Variants in STAG1 observed in about 807,000 individuals in gnomAD.
STAG1 encodes STAG1 cohesin complex component, also known as cohesin subunit SA-1.
Under a neutral mutation model 170.9 loss-of-function variants are expected in STAG1, and 26 were observed. That is an observed-to-expected ratio of 0.15 (90% CI 0.11 to 0.21). The LOEUF is 0.21. Ranked by LOEUF, STAG1 falls within the 10% of genes least tolerant of loss-of-function variation. STAG1 has a pLI of 1.00. For missense variants in STAG1, 964 were observed against 1,509.5 expected (o/e 0.64, Z 5.99); for synonymous variants, 514 against 497.7 (o/e 1.03, Z -0.44).
At chr3:136,671,487 A>C (rs1941978973) in intron 1 of STAG1, among the ~76,000 whole-genome samples, 1 of 152,254 alleles carries the variant, frequency 6.6e-6, no homozygotes, top group Non-Finnish European at 1.5e-5. Flanking sequence ...ATGCGAGATT[A>C]TCTCTAGATA....
chr3:136,529,347 G>C (rs1338479142), intron 6 of STAG1, among the ~76,000 whole-genome samples: 1 of 152,178 alleles, frequency 6.6e-6, no homozygotes, highest in Non-Finnish European at 1.5e-5. Flanking sequence ...TAGTCAAACT[G>C]TTTTAACGTC....
rs753876725 is a variant in STAG1, at chr3:136,359,211, C to T, written c.2873G>A (p.Arg958His). ...GTCCAATCCAAATGTAAGGGCAAAG[C>T]GACGTGCCAGTTCTTTAATGCCACT... The part of the protein sequence containing the change: ...HVSGIKELAR[R>H]FALTFGLDQI... Residue 958 changes from arginine (R) to histidine (H), a missense_variant, in exon 27 of 34, where the codon CGC becomes CAC. Around this residue, in one of 11 missense-constraint regions of STAG1, gnomAD observed 149 missense variants for 301.3 expected, o/e 0.49. Transcript: ENST00000383202. 2 of 1,613,852 alleles carry T rather than the reference C, an allele frequency of 1.2e-6. No individual in the cohort carries two copies. The highest frequency in any genetic ancestry group is 8.5e-7 in the Non-Finnish European group (1 of 1,179,864).
chr3:136,622,306 G>T (rs1939900594), intron 3 of STAG1, among the ~76,000 whole-genome samples: 1 of 152,018 alleles, frequency 6.6e-6, no homozygotes, highest in South Asian at 2.1e-4. Flanking sequence ...GCAACAGAGT[G>T]AGACTCGATC....
intron 16 of STAG1, among the ~76,000 whole-genome samples, chr3:136,428,706 T>C (rs532674741): frequency 8.5e-5 from 13 of 152,350 alleles, no homozygotes; most frequent in African/African-American, 2.4e-4. Flanking sequence ...GAGAAAACTG[T>C]GTCCAGATGT....
chr3:136,485,470 A>G (rs2107835705), intron 9 of STAG1, among the ~76,000 whole-genome samples: 1 of 152,246 alleles, frequency 6.6e-6, no homozygotes, highest in Middle Eastern at 3.4e-3. Flanking sequence ...AGAAAAAAAA[A>G]GTAGCTCTAC....
intron 1 of STAG1, among the ~76,000 whole-genome samples, chr3:136,702,380 A>T (rs113959217): frequency 1.2e-3 from 177 of 152,244 alleles, no homozygotes; most frequent in African/African-American, 2.5e-3. Context: ...CAGTTATAAA[A>T]TCACTTACAA....
chr3:136,441,815 ATC>A (rs892485970), intron 15 of STAG1, among the ~76,000 whole-genome samples: 7 of 152,194 alleles, frequency 4.6e-5, no homozygotes, highest in African/African-American at 1.2e-4. Context: ...CAAGGAAATA[ATC>A]TCTGTTACAG....
At chr3:136,723,767 C>T (rs1280165731) in intron 1 of STAG1, among the ~76,000 whole-genome samples, 10 of 145,302 alleles carry the variant, frequency 6.9e-5, no homozygotes, top group Non-Finnish European at 9.1e-5. Flanking sequence ...CCAGCCGCCC[C>T]GTCCGGGAAG....
chr3:136,733,287 T>C (rs1318498102), intron 1 of STAG1, among the ~76,000 whole-genome samples: 3 of 151,890 alleles, frequency 2.0e-5, no homozygotes, highest in African/African-American at 4.8e-5. Context: ...GGTTTCGCTA[T>C]GTTGCCCAGG....
intron 1 of STAG1, among the ~76,000 whole-genome samples, chr3:136,689,708 T>G (rs1039380288): frequency 6.6e-6 from 1 of 152,136 alleles, no homozygotes; most frequent in East Asian, 1.9e-4. Context: ...GCAGCATTTC[T>G]TACAGCATTA....
intron 5 of STAG1, among the ~76,000 whole-genome samples, chr3:136,564,947 A>C (rs1324226508): frequency 7.0e-6 from 1 of 143,496 alleles, no homozygotes; most frequent in Non-Finnish European, 1.5e-5. Flanking sequence ...TGGATCCTTA[A>C]ATTTGACATG....
In STAG1 at chr3:136,417,927, T is replaced by G; in HGVS notation, c.2154A>C (p.Arg718Ser). 1 of 1,614,058 alleles carries G rather than the reference T, an allele frequency of 6.2e-7. No individual in the cohort carries two copies. Among genetic ancestry groups the G allele is most frequent in the Non-Finnish European group, 8.5e-7 (1 of 1,179,928 alleles). The change falls in exon 21 of 34, where the codon AGA becomes AGC. Residue 718 changes from arginine (R) to serine (S), a missense_variant. Physicochemically the swap from Arg to Ser is moderately radical, Grantham distance 110. This residue lies in a region of STAG1 where 232 missense variants were observed against 313.0 expected (regional missense o/e 0.74). Transcript: ENST00000383202. Reference sequence around the variant, plus strand: ...CATGTTCAATTCCAGTCTTCAATAATCTGTAGCAATTACCAAAGAGATCCC... The same window carrying G: ...CATGTTCAATTCCAGTCTTCAATAAGCTGTAGCAATTACCAAAGAGATCCC... ...TKWDLFGNCY[R>S]LLKTGIEHGA...
rs139706322 is a variant in STAG1, at chr3:136,502,628, C to T, written c.828G>A (p.Glu276=). 159 of 1,612,604 alleles carry T rather than the reference C, an allele frequency of 9.9e-5. No homozygotes were observed. In the African/African-American group the frequency reaches 1.9e-3, roughly 19 times the overall value. ...AATCATCAGTTCCCATGAAACTTACCTCTTTGCGTTTCTGAAGTAGTAACT... is the reference window on the plus strand; with the variant it reads ...AATCATCAGTTCCCATGAAACTTACTTCTTTGCGTTTCTGAAGTAGTAACT... The part of the protein sequence containing the change: ...RLELLLQKRK[E]LQENQDEIEN... The change falls in exon 8 of 34, where the codon GAG becomes GAA. Residue 276 remains glutamate (E), a splice_region_variant and synonymous_variant. Transcript: ENST00000383202.
At chr3:136,645,668 A>G (rs1025308952) in intron 1 of STAG1, among the ~76,000 whole-genome samples, 2 of 152,256 alleles carry the variant, frequency 1.3e-5, no homozygotes, top group African/African-American at 2.4e-5. Flanking sequence ...ATCTGTTTAC[A>G]GAAATAGCTC....
chr3:136,559,467 C>A (rs1040205355), intron 5 of STAG1, among the ~76,000 whole-genome samples: 1 of 152,082 alleles, frequency 6.6e-6, no homozygotes, highest in Non-Finnish European at 1.5e-5. Context: ...AATTAAGCTC[C>A]TTGAGAAACT....
At chr3:136,502,469 T>A (rs1933536675) in intron 8 of STAG1, among the ~76,000 whole-genome samples, 159 bp downstream of exon 8, 1 of 152,172 alleles carries the variant, frequency 6.6e-6, no homozygotes, top group Non-Finnish European at 1.5e-5. Context: ...ACTTACATGA[T>A]CACCAATGAA....
chr3:136,564,720 T>C (rs1936983874), intron 5 of STAG1, among the ~76,000 whole-genome samples: 1 of 151,806 alleles, frequency 6.6e-6, no homozygotes, highest in South Asian at 2.1e-4. Context: ...AAAAGAAAAA[T>C]GGGCAAAGGA....
At chr3:136,531,944 T>C (rs978218616) in intron 6 of STAG1, among the ~76,000 whole-genome samples, 3 of 140,100 alleles carry the variant, frequency 2.1e-5, no homozygotes, top group East Asian at 2.1e-4. Context: ...GGTTTCAAAG[T>C]AACAATTTAA....
Position 136,473,742 on chromosome 3 carries a change from A to G in STAG1, c.1027-105T>C, listed in dbSNP as rs138774646. ...TTAGCTTAAACATTTGACTTACTGC[A>G]TATTGTAATTCAACATAGGATGAGA... On this transcript the variant is annotated intron_variant, in intron 10 of 33. Transcript: ENST00000383202. 2.4e-3 allele frequency: 1,815 copies of G among 767,488 alleles called. 9 individuals carry two copies. Among genetic ancestry groups the G allele is most frequent in the Middle Eastern group, 0.012 (51 of 4,224 alleles). 47.5% of individuals were successfully genotyped at this position (767,488 alleles called of 1,614,324 possible). A position where few individuals can be genotyped will look rare whatever the true frequency, so the allele number is the denominator to read the frequency against.
Sources: gnomAD v4.1 joint callset for allele counts (sites outside exome capture counted in the v4.1 genomes callset) on GRCh38, gnomAD v4.1.1 for gene constraint, gnomAD v4.1.1 regional missense constraint, MANE v1.5 for transcripts, NCBI Gene and HGNC (gene_info 2026-07-23, HGNC 2026-07-21) for gene names.